The following SNX14 variants were observed in gnomAD, a reference collection of about 807,000 sequenced individuals.
SNX14 encodes sorting nexin 14.
Under a neutral mutation model 133.8 loss-of-function variants are expected in SNX14, and 93 were observed. The observed-to-expected ratio is 0.70, with a 90% CI of 0.59 to 0.83. SNX14 has a LOEUF of 0.83. Ranked by LOEUF, SNX14 falls within the 40% of genes least tolerant of loss-of-function variation. The pLI, the probability that SNX14 is intolerant of heterozygous loss-of-function variation, is 0.00. For missense variants in SNX14, 945 were observed against 1,094.9 expected, an observed-to-expected ratio of 0.86 and a Z score of 1.93; for synonymous variants, 368 against 365.6, an observed-to-expected ratio of 1.01 and a Z score of -0.07.
intron 12 of SNX14, among the ~76,000 whole-genome samples, chr6:85,546,719 T>C (rs886553079): frequency 2.0e-5 from 3 of 151,992 alleles, no homozygotes; most frequent in African/African-American, 4.8e-5. Context: ...CCCCAGCACT[T>C]TGGGAGGCCG....
At chr6:85,591,217 CATCTG>C (rs994926161) in intron 1 of SNX14, among the ~76,000 whole-genome samples, 5 of 105,186 alleles carry the variant, frequency 4.8e-5, no homozygotes, top group African/African-American at 2.7e-4. Context: ...ATACTCTTAT[CATCTG>C]TGTGTGTGTG....
intron 7 of SNX14, among the ~76,000 whole-genome samples, chr6:85,551,337 A>C (rs988365435): frequency 5.9e-5 from 9 of 152,216 alleles, no homozygotes; most frequent in African/African-American, 2.2e-4. Context: ...GTTGGGAGCC[A>C]AGATGAACTG....
At position 85,514,748 on chromosome 6, in the gene SNX14, A is replaced by G. The variant is rs576601859; in HGVS notation, c.2269-119T>C. ...TTAAACTTTTTCCAATCAAAACAGA[A>G]TATTAGATAGGTTAATATATGCTTC... is the stretch of plus-strand genomic sequence containing the variant. On this transcript the variant is annotated intron_variant, in intron 23 of 28. Coordinates refer to ENST00000314673, the MANE Select transcript of SNX14 (RefSeq NM_153816.6). The G allele has an allele frequency of 1.3e-4, 127 of 953,854 alleles. No homozygotes were observed. In the African/African-American group the frequency reaches 2.0e-3, roughly 15 times the overall value. 59.1% of individuals were successfully genotyped at this position (953,854 alleles called of 1,614,324 possible).
intron 7 of SNX14, 127 bp from the exon 8 acceptor site, chr6:85,550,006 T>C: frequency 1.3e-6 from 1 of 767,630 alleles, no homozygotes. Context: ...CAGCATTTTG[T>C]GAGGCCGAGG....
chr6:85,593,579 C>A lies in SNX14; in HGVS notation c.140G>T (p.Arg47Met). ...CLSAASLLLN[R>M]YIHILMIFWS... ...CCCAGGCTCCGCGCTGCGGCGTTAC[C>A]TGTTAAGAAGCAGGGAGGCGGCGCT... The change falls in exon 1 of 29, where the codon AGG becomes ATG. Residue 47 changes from arginine (R) to methionine (M), a missense_variant and splice_region_variant. By Grantham distance (91) the Arg-to-Met change is moderately conservative (BLOSUM62 -1). Transcript: ENST00000314673. The A allele has an allele frequency of 6.2e-7, 1 of 1,610,222 alleles. No individual in the cohort carries two copies. The highest frequency in any genetic ancestry group is 8.5e-7 in the Non-Finnish European group (1 of 1,178,568).
intron 15 of SNX14, among the ~76,000 whole-genome samples, chr6:85,539,285 G>A (rs1172878397): frequency 6.6e-6 from 1 of 152,102 alleles, no homozygotes; most frequent in Non-Finnish European, 1.5e-5. Flanking sequence ...TGCAGAGACT[G>A]AGCCACCAAA....
In SNX14 at chr6:85,575,813, A is replaced by C. The variant is rs554036965; in HGVS notation, c.141-1435T>G. Among the ~76,000 whole-genome samples the C allele has an allele frequency of 5.9e-5, 9 of 152,368 alleles. No homozygotes were observed. The South Asian group carries it at 1.9e-3, about 32-fold the overall frequency. The stretch of plus-strand genomic sequence containing the variant: ...AAGGAACTTTTGGAGATTTCACAAC[A>C]TTGGATAAAACATTGAAAGTTGATC... On this transcript the variant is annotated intron_variant, in intron 1 of 28. Coordinates refer to ENST00000314673, the MANE Select transcript of SNX14 (RefSeq NM_153816.6).
chr6:85,510,964 C>G (rs1245123751), intron 26 of SNX14, among the ~76,000 whole-genome samples: 2 of 152,146 alleles, frequency 1.3e-5, no homozygotes, highest in African/African-American at 2.4e-5. Context: ...CACAAAACAA[C>G]TTACTGGGAT....
intron 17 of SNX14, among the ~76,000 whole-genome samples, chr6:85,535,449 C>A (rs751704803): frequency 2.7e-5 from 4 of 150,510 alleles, no homozygotes; most frequent in Non-Finnish European, 5.9e-5. Flanking sequence ...CCATCCTTAC[C>A]AAAAAAAACC....
chr6:85,528,828 G>A (rs1187858633), intron 19 of SNX14, among the ~76,000 whole-genome samples: 10 of 152,184 alleles, frequency 6.6e-5, no homozygotes, highest in Admixed American at 5.9e-4. Context: ...AGGCCACAGC[G>A]AGCAGATCAC....
chr6:85,589,688 T>C (rs1268960881), intron 1 of SNX14: 1 of 152,290 alleles, frequency 6.6e-6, no homozygotes, highest in Non-Finnish European at 1.5e-5. Flanking sequence ...CCACAATCTC[T>C]TTCATGATTT....
intron 5 of SNX14, among the ~76,000 whole-genome samples, chr6:85,566,220 C>T (rs1793779002): frequency 6.6e-6 from 1 of 152,156 alleles, no homozygotes; most frequent in South Asian, 2.1e-4. Flanking sequence ...AGGGAGTCTT[C>T]ACAAAAGGAT....
intron 23 of SNX14, 112 bp downstream of exon 23, chr6:85,517,644 T>C: frequency 1.6e-6 from 2 of 1,247,730 alleles, no homozygotes; most frequent in Non-Finnish European, 2.1e-6. Flanking sequence ...ATAAAGGAAA[T>C]GTATAGCTCA....
In SNX14 at chr6:85,517,835, T is replaced by C. The variant is rs940131182; in HGVS notation, c.2189A>G (p.Asn730Ser). ...HLEPFIMNFI[N>S]SCESPKPKPS... The stretch of plus-strand genomic sequence containing the variant: ...TTTAGGCTTTGGAGACTCACAAGAA[T>C]TAATGAAATTCATGATAAAAGGTTC... Residue 730 changes from asparagine (N) to serine (S), a missense_variant, in exon 23 of 29, where the codon AAT becomes AGT. Asn to Ser is a conservative substitution (Grantham distance 46, BLOSUM62 1). This residue lies in a region of SNX14 where 412 missense variants were observed against 516.6 expected (regional missense o/e 0.80). Coordinates refer to ENST00000314673, the MANE Select transcript of SNX14 (RefSeq NM_153816.6). 1 of 1,610,196 alleles carries C rather than the reference T, an allele frequency of 6.2e-7. No individual in the cohort carries two copies. Among genetic ancestry groups the C allele is most frequent in the Non-Finnish European group, 8.5e-7 (1 of 1,178,940 alleles).
In SNX14 at chr6:85,543,592, G is replaced by A. The variant is rs368701742; in HGVS notation, c.1264+13C>T. The stretch of plus-strand genomic sequence containing the variant: ...GAGTGCTAAATAAGTCATTCTTATC[G>A]TCTTTGACTTACTTCTTTGAATCTC... On this transcript the variant is annotated intron_variant, in intron 13 of 28. Transcript: ENST00000314673. 2.7e-5 allele frequency: 42 copies of A among 1,555,108 alleles called. No individual in the cohort carries two copies. The highest frequency in any genetic ancestry group is 3.4e-4 in the Middle Eastern group (2 of 5,880).
intron 18 of SNX14, among the ~76,000 whole-genome samples, chr6:85,533,011 A>C (rs936964979): frequency 1.3e-5 from 2 of 151,998 alleles, no homozygotes; most frequent in Non-Finnish European, 2.9e-5. Context: ...CTCAGCCTCC[A>C]GAGTAGCCGG....
At chr6:85,508,885 T>A (rs930859305) in intron 26 of SNX14, among the ~76,000 whole-genome samples, 3 of 152,178 alleles carry the variant, frequency 2.0e-5, no homozygotes, top group Admixed American at 2.0e-4. Context: ...TTTTCCCCTA[T>A]CATAACTAAA....
At chr6:85,517,934 C>A (rs1319537688) in intron 22 of SNX14, 59 bp from the exon 23 acceptor site, 2 of 1,575,464 alleles carry the variant, frequency 1.3e-6, no homozygotes, top group East Asian at 2.3e-5. Context: ...AGTACATAAT[C>A]CAGCAAAATT....
At chr6:85,592,626 T>C (rs1257934871) in intron 1 of SNX14, among the ~76,000 whole-genome samples, 1 of 152,208 alleles carries the variant, frequency 6.6e-6, no homozygotes, top group African/African-American at 2.4e-5. Flanking sequence ...CAATTGAATT[T>C]ATCAATTTTA....
Sources: gnomAD v4.1 joint callset for allele counts (sites outside exome capture counted in the v4.1 genomes callset) on GRCh38, gnomAD v4.1.1 for gene constraint, gnomAD v4.1.1 regional missense constraint, MANE v1.5 for transcripts, NCBI Gene and HGNC (gene_info 2026-07-23, HGNC 2026-07-21) for gene names.